The following EVPLL variants were observed in gnomAD, a reference collection of about 807,000 sequenced individuals.
The protein encoded by EVPLL is envoplakin like.
EVPLL carries 39 observed loss-of-function variants against 46.2 expected under a neutral mutation model. That is an observed-to-expected ratio of 0.84 (90% CI 0.65 to 1.10). The LOEUF is 1.10. Ranked by LOEUF, EVPLL falls within the 50% of genes least tolerant of loss-of-function variation. The pLI is 0.00. For missense variants in EVPLL, 385 were observed against 412.6 expected, an observed-to-expected ratio of 0.93 and a Z score of 0.58; for synonymous variants, 156 against 165.8, an observed-to-expected ratio of 0.94 and a Z score of 0.46.
In EVPLL at chr17:18,381,881, G is replaced by A; in HGVS notation, c.346+151G>A. The stretch of plus-strand genomic sequence containing the variant: ...ACAGCAGAGGAGACAGTGCAGTCAG[G>A]GAAGACTTCCTGTAGGAGGAGGCAC... On this transcript the variant is annotated intron_variant, in intron 4 of 10. Coordinates refer to ENST00000399134, the MANE Select transcript of EVPLL (RefSeq NM_001145127.2). The surrounding 1 kb of genome is among the most constrained non-coding windows in gnomAD (Gnocchi z 4.2). 7.8e-7 allele frequency: 1 copy of A among 1,279,730 alleles called. No individual in the cohort carries two copies. Among genetic ancestry groups the A allele is most frequent in the South Asian group, 1.4e-5 (1 of 71,422 alleles). The allele number at this position is 1,279,730 out of a possible 1,614,324, so 79.3% of individuals were successfully genotyped here. A position where few individuals can be genotyped will look rare whatever the true frequency, so the allele number is the denominator to read the frequency against.
intron 9 of EVPLL, among the ~76,000 whole-genome samples, chr17:18,385,768 T>G (rs1351896320): frequency 6.6e-6 from 1 of 152,194 alleles, no homozygotes; most frequent in Non-Finnish European, 1.5e-5. Flanking sequence ...TAAACCTGTA[T>G]CTTGAGTAGC....
rs1370211524 is a variant in EVPLL, at chr17:18,382,501, G to GCT, written c.347-8_347-7dup. On this transcript the variant is annotated splice_polypyrimidine_tract_variant and intron_variant, in intron 4 of 10. Coordinates refer to ENST00000399134, the MANE Select transcript of EVPLL (RefSeq NM_001145127.2). Reference sequence around the variant, plus strand: ...TGGTCCTGTGGTGACTGAGCCGCCGGCTCTCCTGCAGAAGCTGGTCTGCGC... The same window carrying GCT: ...TGGTCCTGTGGTGACTGAGCCGCCGGCTCTCTCCTGCAGAAGCTGGTCTGCGC... The GCT allele has an allele frequency of 6.4e-7, 1 of 1,551,490 alleles. No individual in the cohort carries two copies. Among genetic ancestry groups the GCT allele is most frequent in the Non-Finnish European group, 8.7e-7 (1 of 1,146,894 alleles).
Position 18,381,167 on chromosome 17 carries a change from A to G in EVPLL, c.63+167A>G. 8.4e-7 allele frequency: 1 copy of G among 1,191,806 alleles called. No homozygotes were observed. The highest frequency in any genetic ancestry group is 1.2e-6 in the Non-Finnish European group (1 of 855,310). The allele number at this position is 1,191,806 out of a possible 1,614,324, so 73.8% of individuals were successfully genotyped here. On this transcript the variant is annotated intron_variant, in intron 2 of 10. Coordinates refer to ENST00000399134, the MANE Select transcript of EVPLL (RefSeq NM_001145127.2). The surrounding 1 kb of genome is among the most constrained non-coding windows in gnomAD (Gnocchi z 4.2). ...TAACACACGGTGGGAGAGAGGGCTC[A>G]ACTTCCTTCTTTGCTGGGCTCCCCT...
At chr17:18,383,771 G>A (rs1272031228) in intron 9 of EVPLL, 184 bp downstream of exon 9, 22 of 601,492 alleles carry the variant, frequency 3.7e-5, no homozygotes, top group South Asian at 2.6e-4. Flanking sequence ...TCAGGAGTTC[G>A]AGATCAGCCT....
intron 1 of EVPLL, 81 bp from the exon 2 acceptor site, chr17:18,380,821 A>G (rs2151627131): frequency 1.7e-6 from 2 of 1,196,452 alleles, no homozygotes; most frequent in Middle Eastern, 1.9e-4. Flanking sequence ...TGGGGTGGAG[A>G]GAGGGCAGGG....
At chr17:18,387,479 T>C (rs1987805715) in intron 9 of EVPLL, among the ~76,000 whole-genome samples, 1 of 144,814 alleles carries the variant, frequency 6.9e-6, no homozygotes, top group Non-Finnish European at 1.5e-5. Flanking sequence ...GACCTGGTAG[T>C]AAGCATCTTG....
At chr17:18,386,132 G>A (rs1052419506) in intron 9 of EVPLL, among the ~76,000 whole-genome samples, 6 of 152,154 alleles carry the variant, frequency 3.9e-5, no homozygotes, top group African/African-American at 1.4e-4. Flanking sequence ...GGCAGGGAAA[G>A]TCCCTTTCCA....
rs892920961 is a variant in EVPLL, at chr17:18,377,884, C to T, written c.-136C>T. Reference sequence around the variant, plus strand: ...CCTGAGCCAGCACCTGCCTTTATGACCATGTTCAAGGGACTGAGCAAAGGC... The same window carrying T: ...CCTGAGCCAGCACCTGCCTTTATGATCATGTTCAAGGGACTGAGCAAAGGC... On this transcript the variant is annotated 5_prime_UTR_variant, in exon 1 of 11. Coordinates refer to ENST00000399134, the MANE Select transcript of EVPLL (RefSeq NM_001145127.2). The T allele has an allele frequency of 2.3e-4, 242 of 1,073,728 alleles. 1 individual carries two copies. The highest frequency in any genetic ancestry group is 8.8e-5 in the East Asian group (3 of 34,046). 66.5% of individuals were successfully genotyped at this position (1,073,728 alleles called of 1,614,324 possible).
At chr17:18,387,560 G>A (rs1021183368) in intron 9 of EVPLL, among the ~76,000 whole-genome samples, 1 of 148,496 alleles carries the variant, frequency 6.7e-6, no homozygotes, top group Admixed American at 6.7e-5. Flanking sequence ...CAGCCCCAAA[G>A]CAGCCCCAGA....
chr17:18,378,605 G>A (rs1238737512), intron 1 of EVPLL, among the ~76,000 whole-genome samples: 1 of 152,120 alleles, frequency 6.6e-6, no homozygotes, highest in South Asian at 2.1e-4. Flanking sequence ...GAGCCCAGGA[G>A]TTTGAGACCA....
chr17:18,382,546 A>G lies in EVPLL; in HGVS notation c.380A>G (p.His127Arg). 6.4e-7 allele frequency: 1 copy of G among 1,551,822 alleles called. No homozygotes were observed. The highest frequency in any genetic ancestry group is 1.4e-5 in the African/African-American group (1 of 73,180). ...CTGCGCAGGCCAGTATGGGCCGGGC[A>G]TGGCGGAGCTGGAGGAACAGATCGC... ...AGLRRPVWAG[H>R]GGAGGTDRGA... Residue 127 changes from histidine to arginine, a missense_variant, in exon 5 of 11, where the codon CAT (histidine) becomes CGT (arginine). His to Arg is a conservative substitution (Grantham distance 29). Transcript: ENST00000399134.
rs758445068 is a variant in EVPLL, at chr17:18,383,126, C to T, written c.613C>T (p.Leu205=). 17 of 1,550,302 alleles carry T rather than the reference C, an allele frequency of 1.1e-5. No individual in the cohort carries two copies. In the African/African-American group the frequency reaches 1.9e-4, roughly 17 times the overall value. ...CCTGGCGGAGCAGCAGCGCCGCATC[C>T]TGCAGCAGGACTGGAGCGACCTCAT... ...SALAEQQRRI[L]QQDWSDLMAD... is the part of the protein sequence containing the mutation. Residue 205 remains leucine (L), a synonymous_variant, in exon 7 of 11, where the codon CTG becomes TTG. Coordinates refer to ENST00000399134, the MANE Select transcript of EVPLL (RefSeq NM_001145127.2).
At chr17:18,378,140 C>T (rs953546873) in intron 1 of EVPLL, among the ~76,000 whole-genome samples, 157 bp downstream of exon 1, 5 of 152,224 alleles carry the variant, frequency 3.3e-5, no homozygotes, top group African/African-American at 1.2e-4. Flanking sequence ...GGACTCTCTC[C>T]CTGCCTTGGG....
At position 18,383,330 on chromosome 17, in the gene EVPLL, C is replaced by T; in HGVS notation, c.732C>T (p.Asp244=). 1.9e-6 allele frequency: 3 copies of T among 1,601,894 alleles called. No homozygotes were observed. Among genetic ancestry groups the T allele is most frequent in the South Asian group, 1.1e-5 (1 of 89,360 alleles). Residue 244 remains aspartate (D), a synonymous_variant, in exon 8 of 11, where the codon GAC becomes GAT. Coordinates refer to ENST00000399134, the MANE Select transcript of EVPLL (RefSeq NM_001145127.2). ...QEQSVNQLEE[D]GKRMVELRHP... Reference sequence around the variant, plus strand: ...AGAGCGTAAACCAGCTGGAGGAGGACGGCAAGCGCATGGTGGAGCTGCGGC... The same window carrying T: ...AGAGCGTAAACCAGCTGGAGGAGGATGGCAAGCGCATGGTGGAGCTGCGGC...
At chr17:18,385,018 C>A (rs997724955) in intron 9 of EVPLL, among the ~76,000 whole-genome samples, 22 of 151,474 alleles carry the variant, frequency 1.5e-4, no homozygotes, top group African/African-American at 5.1e-4. Context: ...CAAGAGATGA[C>A]AAGAGAGACA....
chr17:18,381,937 C>T lies in EVPLL; in HGVS notation c.346+207C>T, dbSNP rs1598095890. On this transcript the variant is annotated intron_variant, in intron 4 of 10. Coordinates refer to ENST00000399134, the MANE Select transcript of EVPLL (RefSeq NM_001145127.2). The surrounding 1 kb of genome is among the most constrained non-coding windows in gnomAD (Gnocchi z 4.2). Reference sequence around the variant, plus strand: ...GAGACCTCAGAGGGGTGAGAGGGCTCGGTTGGGTCAGGGTGAAGTAGTGAG... The same window carrying T: ...GAGACCTCAGAGGGGTGAGAGGGCTTGGTTGGGTCAGGGTGAAGTAGTGAG... 1.2e-5 allele frequency: 9 copies of T among 766,620 alleles called. No homozygotes were observed. The highest frequency in any genetic ancestry group is 1.6e-5 in the Non-Finnish European group (8 of 486,514). 47.5% of individuals were successfully genotyped at this position (766,620 alleles called of 1,614,324 possible).
chr17:18,383,378 G>C lies in EVPLL; in HGVS notation c.780G>C (p.Gln260His). Residue 260 changes from glutamine to histidine, a missense_variant and splice_region_variant, in exon 8 of 11, where the codon CAG becomes CAC. Transcript: ENST00000399134. ...ELRHPAVGPIQAHQEALKMEW... is the reference protein window; with the variant it reads ...ELRHPAVGPIHAHQEALKMEW... The stretch of plus-strand genomic sequence containing the variant: ...GGCACCCCGCGGTGGGGCCCATCCA[G>C]GTGCGCTGGGGGCAGGGCGAGAGTG... 1.3e-6 allele frequency: 2 copies of C among 1,587,394 alleles called. No individual in the cohort carries two copies. The highest frequency in any genetic ancestry group is 1.7e-6 in the Non-Finnish European group (2 of 1,167,998).
At chr17:18,384,891 TGCAGAG>T (rs1476751749) in intron 9 of EVPLL, among the ~76,000 whole-genome samples, 1 of 152,022 alleles carries the variant, frequency 6.6e-6, no homozygotes, top group African/African-American at 2.4e-5. Flanking sequence ...TCAGCTCGTC[TGCAGAG>T]GAGGCAGCAG....
intron 9 of EVPLL, among the ~76,000 whole-genome samples, chr17:18,384,471 T>G (rs1987703208): frequency 6.6e-6 from 1 of 151,070 alleles, no homozygotes; most frequent in Non-Finnish European, 1.5e-5. Flanking sequence ...ACCTCATGCC[T>G]GCAATCCTAC....
Sources: gnomAD v4.1 joint callset for allele counts (sites outside exome capture counted in the v4.1 genomes callset) on GRCh38, gnomAD v4.1.1 for gene constraint, Gnocchi (gnomAD v3.1) non-coding constraint, MANE v1.5 for transcripts, NCBI Gene and HGNC (gene_info 2026-07-23, HGNC 2026-07-21) for gene names.